CNIH3: variants seen among roughly 807,000 people sequenced by gnomAD.
CNIH3 encodes cornichon family AMPA receptor auxiliary protein 3.
CNIH3 carries 14 observed loss-of-function variants against 24.1 expected under a neutral mutation model. That is an observed-to-expected ratio of 0.58 (90% CI 0.38 to 0.91). The LOEUF is 0.91. Ranked by LOEUF, CNIH3 falls within the 40% of genes least tolerant of loss-of-function variation. The pLI is 0.00. For missense variants in CNIH3, 178 were observed against 196.8 expected, an observed-to-expected ratio of 0.90 and a Z score of 0.57; for synonymous variants, 68 against 73.8, an observed-to-expected ratio of 0.92 and a Z score of 0.40.
chr1:224,582,737 A>T (rs1257946026), intron 4 of CNIH3, among the ~76,000 whole-genome samples: 1 of 152,194 alleles, frequency 6.6e-6, no homozygotes, highest in Non-Finnish European at 1.5e-5. Flanking sequence ...GACCTGCCAT[A>T]TGGAGGACTT....
chr1:224,701,339 G>A (rs1687478973), intron 3 of CNIH3, among the ~76,000 whole-genome samples: 1 of 152,106 alleles, frequency 6.6e-6, no homozygotes, highest in Admixed American at 6.6e-5. Context: ...AGCTCTGGAG[G>A]CTGGGAAGTC....
downstream of CNIH3, chr1:224,537,500 T>A (rs763392447): frequency 6.6e-6 from 1 of 152,262 alleles, no homozygotes; most frequent in Non-Finnish European, 1.5e-5. Context: ...TGCTTTGAGT[T>A]GTCCTGCCTT....
At chr1:224,473,200 G>A (rs1227450200) in intron 1 of CNIH3, among the ~76,000 whole-genome samples, 1 of 151,970 alleles carries the variant, frequency 6.6e-6, no homozygotes, top group Non-Finnish European at 1.5e-5. Context: ...AAATTAAAAA[G>A]CAAAAAATTA....
At chr1:224,507,616 C>T (rs923188076) in intron 1 of CNIH3, among the ~76,000 whole-genome samples, 1 of 152,148 alleles carries the variant, frequency 6.6e-6, no homozygotes, top group African/African-American at 2.4e-5. Context: ...GAATATAACA[C>T]AGTCTAAGCC....
chr1:224,541,550 C>G (rs951599246), downstream of CNIH3, among the ~76,000 whole-genome samples: 1 of 152,028 alleles, frequency 6.6e-6, no homozygotes, highest in African/African-American at 2.4e-5. Flanking sequence ...TAGTGGTTAC[C>G]CTGAGCTGAG....
At chr1:224,449,260 G>A (rs990075952) in intron 1 of CNIH3, among the ~76,000 whole-genome samples, 6 of 151,966 alleles carry the variant, frequency 3.9e-5, no homozygotes, top group Admixed American at 2.0e-4. Flanking sequence ...CACCGCACCC[G>A]GCCAGAAACT....
chr1:224,624,669 C>T (rs1683433623), intron 1 of CNIH3, among the ~76,000 whole-genome samples: 1 of 152,224 alleles, frequency 6.6e-6, no homozygotes, highest in Non-Finnish European at 1.5e-5. Context: ...ATCATCTCCC[C>T]TGGACTAAAC....
intron 3 of CNIH3, among the ~76,000 whole-genome samples, chr1:224,554,359 C>T (rs1413444433): frequency 6.6e-6 from 1 of 152,146 alleles, no homozygotes; most frequent in African/African-American, 2.4e-5. Flanking sequence ...GTTTATTCAA[C>T]ATTTACTGTG....
downstream of CNIH3, among the ~76,000 whole-genome samples, chr1:224,537,957 AT>A (rs1159134496): frequency 2.0e-4 from 30 of 148,228 alleles, no homozygotes; most frequent in East Asian, 2.8e-3. Flanking sequence ...TATTATTATT[AT>A]TTTTTTTTTT....
At chr1:224,480,954 C>G (rs951094847) in intron 1 of CNIH3, among the ~76,000 whole-genome samples, 1 of 152,178 alleles carries the variant, frequency 6.6e-6, no homozygotes, top group African/African-American at 2.4e-5. Flanking sequence ...TACCAATTTA[C>G]TGTATTAGTT....
intron 3 of CNIH3, among the ~76,000 whole-genome samples, chr1:224,606,380 G>A (rs1334066379): frequency 3.9e-5 from 6 of 152,140 alleles, no homozygotes; most frequent in Non-Finnish European, 8.8e-5. Flanking sequence ...AGTGGGATGG[G>A]GAGCTGGAAA....
intron 1 of CNIH3, among the ~76,000 whole-genome samples, chr1:224,644,328 A>G (rs1390410714): frequency 6.6e-6 from 1 of 152,108 alleles, no homozygotes; most frequent in East Asian, 1.9e-4. Flanking sequence ...CTCCTACCTT[A>G]ACCTTCCGAG....
At chr1:224,594,541 G>A (rs139290848) in intron 3 of CNIH3, among the ~76,000 whole-genome samples, 177 of 152,308 alleles carry the variant, frequency 1.2e-3, no homozygotes, top group African/African-American at 3.9e-3. Flanking sequence ...GTGGCACACA[G>A]GACCACAAGG....
rs1421443222 is a variant in CNIH3 at position 224,731,709 on chromosome 1, C to T, written c.311+1135C>T. Reference sequence around the variant, plus strand: ...TCCTAGTGGTGGAGGGAAATATGTTCTTAACAGACATATGAGGAATACTGG... The same window carrying T: ...TCCTAGTGGTGGAGGGAAATATGTTTTTAACAGACATATGAGGAATACTGG... On this transcript the variant is annotated intron_variant, in intron 4 of 5. Coordinates refer to ENST00000272133, the MANE Select transcript of CNIH3 (RefSeq NM_152495.2). Among the ~76,000 whole-genome samples the T allele has an allele frequency of 5.3e-5, 8 of 152,206 alleles. No homozygotes were observed. In the East Asian group the frequency reaches 1.5e-3, roughly 29 times the overall value.
At chr1:224,705,384 C>T (rs1163386561) in intron 3 of CNIH3, among the ~76,000 whole-genome samples, 1 of 152,252 alleles carries the variant, frequency 6.6e-6, no homozygotes, top group Non-Finnish European at 1.5e-5. Context: ...CTGGAGCCCC[C>T]TTCATTCTTG....
intron 1 of CNIH3, among the ~76,000 whole-genome samples, chr1:224,649,622 G>T (rs140149718): frequency 1.0e-3 from 158 of 152,312 alleles, no homozygotes; most frequent in African/African-American, 3.7e-3. Flanking sequence ...GCTCTCTACA[G>T]TGGTTTTTGA....
intron 3 of CNIH3, among the ~76,000 whole-genome samples, chr1:224,598,841 T>C (rs1682094455): frequency 6.6e-6 from 1 of 152,218 alleles, no homozygotes. Flanking sequence ...AGTATAAACA[T>C]AACTTATATG....
At chr1:224,629,117 C>T (rs1333400225) in intron 1 of CNIH3, among the ~76,000 whole-genome samples, 3 of 151,902 alleles carry the variant, frequency 2.0e-5, no homozygotes, top group Non-Finnish European at 4.4e-5. Flanking sequence ...AGCAATTCTC[C>T]TGCCTCAGCC....
At chr1:224,713,891 C>G (rs7530059) in intron 3 of CNIH3, among the ~76,000 whole-genome samples, 9,910 of 152,264 alleles carry the variant, frequency 0.065, 377 homozygotes, top group East Asian at 0.13. Context: ...TCACAGCTCA[C>G]TGCAGCCTCA....
Sources: allele counts gnomAD v4.1 joint callset (sites outside exome capture counted in the v4.1 genomes callset), GRCh38; gene constraint gnomAD v4.1.1; transcripts MANE v1.5; gene names NCBI Gene and HGNC (gene_info 2026-07-23, HGNC 2026-07-21).